The following CDH26 variants were observed in gnomAD, a reference collection of about 807,000 sequenced individuals.
CDH26 encodes cadherin 26.
In CDH26, 83 loss-of-function variants were observed where a neutral mutation model predicts 90.3. That is an observed-to-expected ratio of 0.92 (90% CI 0.77 to 1.10). CDH26 has a LOEUF of 1.10. Among genes scored for constraint, CDH26 ranks in the 50% least tolerant of loss-of-function variants. The pLI, the probability that CDH26 is intolerant of heterozygous loss-of-function variation, is 0.00. For missense variants in CDH26, 1,013 were observed against 1,037.6 expected (o/e 0.98, Z 0.33); for synonymous variants, 397 against 396.3 (o/e 1.00, Z -0.02).
rs1260740487 is a variant in CDH26 at position 59,980,629 on chromosome 20, A to G, written c.394-2294A>G. On this transcript the variant is annotated intron_variant, in intron 4 of 17. Coordinates refer to ENST00000348616, the MANE Select transcript of CDH26 (RefSeq NM_177980.4). The stretch of plus-strand genomic sequence containing the variant: ...TGTTTGTTTTCTTATTGAGTTTTGA[A>G]TACAAATCCTTTGTCAGCATATGAA... Among the ~76,000 whole-genome samples the G allele has an allele frequency of 2.0e-5, 3 of 152,158 alleles. No homozygotes were observed. In the East Asian group the frequency reaches 5.8e-4, roughly 29 times the overall value.
At chr20:59,977,600 A>G (rs1002598873) in intron 4 of CDH26, among the ~76,000 whole-genome samples, 1 of 151,694 alleles carries the variant, frequency 6.6e-6, no homozygotes, top group Non-Finnish European at 1.5e-5. Context: ...AATGGACTTT[A>G]TTTTTTAGAG....
At chr20:60,020,071 CA>C (rs780760525) in intron 7 of CDH26, among the ~76,000 whole-genome samples, 47 of 152,090 alleles carry the variant, frequency 3.1e-4, no homozygotes, top group Admixed American at 5.2e-4. Flanking sequence ...TTTCTTAGGT[CA>C]GGGGCATATG....
chr20:59,974,938 G>A (rs1425216390), intron 4 of CDH26, among the ~76,000 whole-genome samples: 1 of 152,080 alleles, frequency 6.6e-6, no homozygotes, highest in Non-Finnish European at 1.5e-5. Context: ...AGTTCTAAGA[G>A]GGGAGAGACT....
chr20:60,034,206 G>T (rs1028411783), downstream of CDH26, among the ~76,000 whole-genome samples: 1 of 152,162 alleles, frequency 6.6e-6, no homozygotes, highest in Non-Finnish European at 1.5e-5. Context: ...GCTTAGAAGT[G>T]CTGCTCTTCA....
At chr20:60,035,339 G>T (rs941719240), downstream of CDH26, among the ~76,000 whole-genome samples, 2 of 152,262 alleles carry the variant, frequency 1.3e-5, no homozygotes, top group East Asian at 3.9e-4. Context: ...GGGAACATAC[G>T]TTTACAATGT....
At chr20:60,019,068 C>T (rs1263699084), downstream of CDH26, among the ~76,000 whole-genome samples, 1 of 152,116 alleles carries the variant, frequency 6.6e-6, no homozygotes, top group African/African-American at 2.4e-5. Context: ...AAGGTTTCTG[C>T]TGAGAAATCC....
downstream of CDH26, among the ~76,000 whole-genome samples, chr20:60,017,687 T>C (rs1217784686): frequency 1.3e-5 from 2 of 152,056 alleles, no homozygotes; most frequent in Non-Finnish European, 2.9e-5. Flanking sequence ...TTCCTTAAGA[T>C]ACATTATTAA....
Position 60,002,822 on chromosome 20 carries a change from A to G in CDH26, c.2176A>G (p.Lys726Glu). The change falls in exon 16 of 18, where the codon AAG becomes GAG. Residue 726 changes from lysine (K) to glutamate (E), a missense_variant. Lys to Glu is a moderately conservative substitution (Grantham distance 56). Transcript: ENST00000348616. ...TTCATCTTTCTTTAAGGGTTATGGCAAGCCCTTTGAGCCAAGAAGTGTGAA... is the reference window on the plus strand; with the variant it reads ...TTCATCTTTCTTTAAGGGTTATGGCGAGCCCTTTGAGCCAAGAAGTGTGAA... Reference protein sequence around the residue: ...RCALGSWGYGKPFEPRSVKNI... With the variant: ...RCALGSWGYGEPFEPRSVKNI... The G allele has an allele frequency of 6.2e-7, 1 of 1,601,864 alleles. No homozygotes were observed.
In CDH26 at chr20:60,024,769, C is replaced by T. The variant is rs145079963; in HGVS notation, c.948-6462C>T. Among the ~76,000 whole-genome samples, 742 of 152,296 alleles carry T rather than the reference C, an allele frequency of 4.9e-3. 9 individuals carry two copies. The highest frequency in any genetic ancestry group is 0.017 in the African/African-American group (691 of 41,548). On this transcript the variant is annotated intron_variant, in intron 7 of 8. Transcript: ENST00000370991. ...CACCCACTCCCATGATCTCTTCTTTCCTTATTCTTAAGAAATAAAACCCTG... is the reference window on the plus strand; with the variant it reads ...CACCCACTCCCATGATCTCTTCTTTTCTTATTCTTAAGAAATAAAACCCTG...
In CDH26 at chr20:59,987,560, A is replaced by G; in HGVS notation, c.945A>G (p.Ile315Met). ...CAGCTTGGAGAGCAAAATTCAACAT[A>G]TTGCATGGCAATGAAGAGGGGCATT... ...FTSAWRAKFN[I>M]LHGNEEGHFD... Residue 315 changes from isoleucine (I) to methionine (M), a missense_variant, in exon 8 of 18, where the codon ATA becomes ATG. Coordinates refer to ENST00000348616, the MANE Select transcript of CDH26 (RefSeq NM_177980.4). 3 of 1,614,014 alleles carry G rather than the reference A, an allele frequency of 1.9e-6. No individual in the cohort carries two copies. Among genetic ancestry groups the G allele is most frequent in the South Asian group, 2.2e-5 (2 of 91,056 alleles).
chr20:59,968,017 T>TTC (rs2061197356), intron 1 of CDH26, among the ~76,000 whole-genome samples: 1 of 110,066 alleles, frequency 9.1e-6, no homozygotes, highest in Non-Finnish European at 1.8e-5. Context: ...CTTTCTTCCT[T>TTC]TCTCTCTGTC....
At chr20:59,984,908 T>A (rs531813212) in intron 6 of CDH26, 93 bp from the exon 7 acceptor site, 1 of 1,564,606 alleles carries the variant, frequency 6.4e-7, no homozygotes, top group East Asian at 2.3e-5. Flanking sequence ...TGTGGCTAGA[T>A]TTGCTATTGA....
chr20:59,976,000 A>G (rs1277133806), intron 4 of CDH26, among the ~76,000 whole-genome samples: 1 of 152,228 alleles, frequency 6.6e-6, no homozygotes, highest in Non-Finnish European at 1.5e-5. Flanking sequence ...TATGGACCTT[A>G]TCTATTTATA....
chr20:60,024,944 G>A (rs887528569), intron 7 of CDH26, among the ~76,000 whole-genome samples: 2 of 152,222 alleles, frequency 1.3e-5, no homozygotes, highest in African/African-American at 2.4e-5. Context: ...GTCCTGCAGA[G>A]AGCAGGTGCG....
Position 59,971,982 on chromosome 20 carries a change from TA to T in CDH26, c.254del (p.Asn85ThrfsTer4), listed in dbSNP as rs761700222. The T allele has an allele frequency of 5.6e-6, 9 of 1,613,822 alleles. No individual in the cohort carries two copies. The South Asian group carries it at 9.9e-5, about 18-fold the overall frequency. ...TCCAGCTGTTCAATAATATGTCTTA[TA>T]ACATGTCACTAATGTATCTAATCAG... ...IGELFNNMSY[N>X]MSLMYLISGP... On this transcript the variant is annotated frameshift_variant, in exon 4 of 18. Transcript: ENST00000348616. LOFTEE classifies it high-confidence loss of function.
rs372817639 is a variant in CDH26, at chr20:59,958,684, G to A, written c.-43G>A. ...GGTGAGACCACCAGCTTGGAGGACT[G>A]GTCATCAGCTGCACGTTCTGGGTCT... On this transcript the variant is annotated 5_prime_UTR_variant, in exon 1 of 18. Coordinates refer to ENST00000348616, the MANE Select transcript of CDH26 (RefSeq NM_177980.4). The A allele has an allele frequency of 6.3e-7, 1 of 1,594,962 alleles. No individual in the cohort carries two copies.
intron 7 of CDH26, among the ~76,000 whole-genome samples, chr20:60,021,041 T>C (rs879718582): frequency 2.6e-4 from 40 of 152,220 alleles, no homozygotes; most frequent in Non-Finnish European, 4.6e-4. Flanking sequence ...CAGGTACTTC[T>C]CCATTCCTCT....
intron 13 of CDH26, among the ~76,000 whole-genome samples, chr20:59,997,918 G>A (rs1407252456): frequency 2.6e-5 from 4 of 152,184 alleles, no homozygotes; most frequent in African/African-American, 7.2e-5. Context: ...TCTTCCCTGC[G>A]GCATGAAGGA....
At chr20:60,002,704 ACCT>A in intron 15 of CDH26, 106 bp from the exon 16 acceptor site, 1 of 642,142 alleles carries the variant, frequency 1.6e-6, no homozygotes, top group Non-Finnish European at 2.6e-6. Context: ...GAATTACTAT[ACCT>A]TTAGTACAAA....
Sources: allele counts gnomAD v4.1 joint callset (sites outside exome capture counted in the v4.1 genomes callset), GRCh38; gene constraint gnomAD v4.1.1; transcripts MANE v1.5; gene names NCBI Gene and HGNC (gene_info 2026-07-23, HGNC 2026-07-21).